The following TMEM236 variants were observed in gnomAD, a reference collection of about 807,000 sequenced individuals.
TMEM236 encodes the protein transmembrane protein 236.
A neutral mutation model predicts 14.7 loss-of-function variants in TMEM236; 11 were observed. That is an observed-to-expected ratio of 0.75 (90% CI 0.47 to 1.24). TMEM236 has a LOEUF of 1.24. Ranked by LOEUF, TMEM236 falls within the 50% of genes most tolerant of loss-of-function variation. The probability of loss-of-function intolerance (pLI) is 0.00; values close to 1 mark genes in which losing one functional copy is unlikely to be tolerated. For synonymous variants in TMEM236, 182 were observed against 168.6 expected (o/e 1.08, Z -0.62); for missense variants, 464 against 427.3 (o/e 1.09, Z -0.76).
intron 3 of TMEM236, among the ~76,000 whole-genome samples, chr10:17,780,112 C>T (rs1837722731): frequency 6.6e-6 from 1 of 152,152 alleles, no homozygotes; most frequent in Non-Finnish European, 1.5e-5. Flanking sequence ...TCAGTGATTT[C>T]AGGTAGTGGC....
At chr10:17,785,570 G>A (rs1476487964) in intron 3 of TMEM236, among the ~76,000 whole-genome samples, 1 of 151,922 alleles carries the variant, frequency 6.6e-6, no homozygotes, top group East Asian at 1.9e-4. Context: ...ACAAAAAAAG[G>A]ATGTAGCTTT....
chr10:17,763,012 C>T (rs1390323875), intron 1 of TMEM236, among the ~76,000 whole-genome samples: 1 of 152,124 alleles, frequency 6.6e-6, no homozygotes, highest in Non-Finnish European at 1.5e-5. Flanking sequence ...AGGTACAAGC[C>T]TTTGTGCTCA....
intron 1 of TMEM236, among the ~76,000 whole-genome samples, chr10:17,762,769 G>C (rs1247160713): frequency 6.6e-6 from 1 of 151,214 alleles, no homozygotes; most frequent in Non-Finnish European, 1.5e-5. Flanking sequence ...CCAGGCTCAA[G>C]TGATCCTCCC....
chr10:17,796,917 T>G lies in TMEM236; in HGVS notation c.*413T>G, dbSNP rs1016172635. On this transcript the variant is annotated 3_prime_UTR_variant, in exon 4 of 4. Transcript: ENST00000377495. Reference sequence around the variant, plus strand: ...GATCAGCAGCAGCATTAGATCCTCATAGGAGCCCAAACCCTATTGTGAACT... The same window carrying G: ...GATCAGCAGCAGCATTAGATCCTCAGAGGAGCCCAAACCCTATTGTGAACT... 9.4e-5 allele frequency: 23 copies of G among 245,818 alleles called. No individual in the cohort carries two copies. Among genetic ancestry groups the G allele is most frequent in the South Asian group, 9.1e-4 (18 of 19,774 alleles). 15.2% of individuals were successfully genotyped at this position (245,818 alleles called of 1,614,324 possible). A position where few individuals can be genotyped will look rare whatever the true frequency, so the allele number is the denominator to read the frequency against.
At position 17,779,454 on chromosome 10, in the gene TMEM236, CT is replaced by C. The variant is rs1837712916; in HGVS notation, c.472+3290del. On this transcript the variant is annotated intron_variant, in intron 3 of 3. Coordinates refer to ENST00000377495, the MANE Select transcript of TMEM236 (RefSeq NM_001098844.3). ...ACTTTCATCTCCTCTTCTTCACTGT[CT>C]TTTTTCTGCTCCCATTTAATTAATT... Among the ~76,000 whole-genome samples the C allele has an allele frequency of 2.0e-5, 3 of 152,172 alleles. No individual in the cohort carries two copies. In the South Asian group the frequency reaches 6.2e-4, roughly 32 times the overall value.
In TMEM236 at chr10:17,789,979, G is replaced by T. The variant is rs960874463; in HGVS notation, c.473-5942G>T. ...GCGGAGCTTGCAGTGATTCAAGATC[G>T]CGCCATGGCACTCCAGCCTGGGCGA... On this transcript the variant is annotated intron_variant, in intron 3 of 3. Coordinates refer to ENST00000377495, the MANE Select transcript of TMEM236 (RefSeq NM_001098844.3). Among the ~76,000 whole-genome samples the T allele has an allele frequency of 3.3e-5, 5 of 152,032 alleles. No individual in the cohort carries two copies. In the South Asian group the frequency reaches 1.0e-3, roughly 32 times the overall value.
At chr10:17,771,482 T>A in intron 2 of TMEM236, 101 bp downstream of exon 2, 1 of 1,106,994 alleles carries the variant, frequency 9.0e-7, no homozygotes, top group South Asian at 1.3e-5. Flanking sequence ...TTTCTTGACA[T>A]CTATGTAATC....
At chr10:17,773,019 G>C (rs890218416) in intron 2 of TMEM236, among the ~76,000 whole-genome samples, 1 of 152,138 alleles carries the variant, frequency 6.6e-6, no homozygotes, top group African/African-American at 2.4e-5. Flanking sequence ...TTCGTTTTCA[G>C]CTGTAGAGTA....
At position 17,764,837 on chromosome 10, in the gene TMEM236, C is replaced by CTTTTTTTT. The variant is rs1238545582; in HGVS notation, c.258-6466_258-6459dup. ...CTGCATGTCTGTTTTCAGATTTTCC[C>CTTTTTTTT]TTTTTTTTTTTTTGAGACGGGGTCT... On this transcript the variant is annotated intron_variant, in intron 1 of 3. Coordinates refer to ENST00000377495, the MANE Select transcript of TMEM236 (RefSeq NM_001098844.3). Among the ~76,000 whole-genome samples, 26 of 127,420 alleles carry CTTTTTTTT rather than the reference C, an allele frequency of 2.0e-4. 7 individuals carry two copies. The highest frequency in any genetic ancestry group is 3.6e-4 in the Non-Finnish European group (22 of 61,378). 83.6% of individuals were successfully genotyped at this position (127,420 alleles called of 152,430 possible).
intron 3 of TMEM236, among the ~76,000 whole-genome samples, chr10:17,776,762 C>A (rs1046044820): frequency 2.0e-5 from 3 of 152,030 alleles, no homozygotes; most frequent in Non-Finnish European, 4.4e-5. Context: ...TAGCAAGACA[C>A]CATCCCTATA....
At chr10:17,794,746 A>C (rs1837983257) in intron 3 of TMEM236, among the ~76,000 whole-genome samples, 1 of 152,146 alleles carries the variant, frequency 6.6e-6, no homozygotes, top group African/African-American at 2.4e-5. Flanking sequence ...GGTCAAACAG[A>C]TTCCTTCTAG....
At chr10:17,793,023 G>C (rs371622820) in intron 3 of TMEM236, among the ~76,000 whole-genome samples, 29,882 of 152,084 alleles carry the variant, frequency 0.2, 3,294 homozygotes, top group Non-Finnish European at 0.24. Context: ...CAGCCCTCTG[G>C]GAGGCCATCA....
chr10:17,776,877 A>G (rs1837666002), intron 3 of TMEM236, among the ~76,000 whole-genome samples: 1 of 152,236 alleles, frequency 6.6e-6, no homozygotes, highest in African/African-American at 2.4e-5. Context: ...ATATTTTGTT[A>G]ATGGAATATT....
Position 17,797,716 on chromosome 10 carries a change from C to T in TMEM236, c.*1212C>T, listed in dbSNP as rs929073180. 6.6e-6 allele frequency: 1 copy of T among 152,158 alleles called. No individual in the cohort carries two copies. The highest frequency in any genetic ancestry group is 1.5e-5 in the Non-Finnish European group (1 of 68,022). The allele number at this position is 152,158 out of a possible 1,614,324, so 9.4% of individuals were successfully genotyped here. ...AATAAATTGATTTCAGCATAAAAAG[C>T]AATTCACTTTAACAGATATTTGGCT... is the stretch of plus-strand genomic sequence containing the variant. On this transcript the variant is annotated 3_prime_UTR_variant, in exon 4 of 4. Coordinates refer to ENST00000377495, the MANE Select transcript of TMEM236 (RefSeq NM_001098844.3).
chr10:17,796,662 T>TA lies in TMEM236; in HGVS notation c.*158_*159insA, dbSNP rs1248365551. 7 of 648,624 alleles carry TA rather than the reference T, an allele frequency of 1.1e-5. No individual in the cohort carries two copies. The highest frequency in any genetic ancestry group is 1.8e-5 in the Non-Finnish European group (7 of 378,986). The allele number at this position is 648,624 out of a possible 1,614,324, so 40.2% of individuals were successfully genotyped here. On this transcript the variant is annotated 3_prime_UTR_variant, in exon 4 of 4. Coordinates refer to ENST00000377495, the MANE Select transcript of TMEM236 (RefSeq NM_001098844.3). Reference sequence around the variant, plus strand: ...CTAACTCTAGCATATCAGTTTTTTTTTTTACATATACAAATGGTGCTAAAT... The same window carrying TA: ...CTAACTCTAGCATATCAGTTTTTTTTATTTACATATACAAATGGTGCTAAAT...
At chr10:17,759,502 C>G (rs1837325778) in intron 1 of TMEM236, among the ~76,000 whole-genome samples, 1 of 152,118 alleles carries the variant, frequency 6.6e-6, no homozygotes, top group African/African-American at 2.4e-5. Context: ...TAACATATTC[C>G]ATGAGATTTT....
At chr10:17,767,913 C>CT (rs878872584) in intron 1 of TMEM236, among the ~76,000 whole-genome samples, 42,767 of 140,296 alleles carry the variant, frequency 0.3, 6,683 homozygotes, top group East Asian at 0.4. Context: ...TACTCCCCAT[C>CT]TTTTTTTTTT....
At chr10:17,774,798 T>TTCTCTCCCTCTCTCTC (rs1837632590) in intron 2 of TMEM236, among the ~76,000 whole-genome samples, 1 of 142,060 alleles carries the variant, frequency 7.0e-6, no homozygotes. Flanking sequence ...CCTACCTCCT[T>TTCTCTCCCTCTCTCTC]TCTCTCTCTC....
rs903435115 is a variant in TMEM236 at position 17,793,547 on chromosome 10, G to A, written c.473-2374G>A. ...CACCCAGGCTGGAGTGCAGTGGTGC[G>A]ATCTTAGCTCACTGCAACCTCCTCC... On this transcript the variant is annotated intron_variant, in intron 3 of 3. Transcript: ENST00000377495. 3.3e-5 allele frequency among the ~76,000 whole-genome samples: 5 copies of A among 152,196 alleles called. No individual in the cohort carries two copies. In the East Asian group the frequency reaches 7.7e-4, roughly 24 times the overall value.
Sources: gnomAD v4.1 joint callset for allele counts (sites outside exome capture counted in the v4.1 genomes callset) on GRCh38, gnomAD v4.1.1 for gene constraint, MANE v1.5 for transcripts, NCBI Gene and HGNC (gene_info 2026-07-23, HGNC 2026-07-21) for gene names.